USH1C: variants seen among roughly 807,000 people sequenced by gnomAD.
USH1C encodes the protein harmonin.
In USH1C, 90 loss-of-function variants were observed where a neutral mutation model predicts 119.3. The observed-to-expected ratio is 0.75, with a 90% CI of 0.64 to 0.90. The LOEUF is 0.90. Among genes scored for constraint, USH1C ranks in the 40% least tolerant of loss-of-function variants. USH1C has a pLI of 0.00. For missense variants in USH1C, 1,165 were observed against 1,167.7 expected, an observed-to-expected ratio of 1.00 and a Z score of 0.03; for synonymous variants, 465 against 443.3, an observed-to-expected ratio of 1.05 and a Z score of -0.62.
rs1478242489 is a variant in USH1C at position 17,531,515 on chromosome 11, T to G, written c.132A>C (p.Gly44=). The change falls in exon 3 of 27, where the codon GGA becomes GGC. Residue 44 remains glycine (G), a synonymous_variant. Coordinates refer to ENST00000005226, the MANE Select transcript of USH1C (RefSeq NM_153676.4). The surrounding 1 kb of genome is among the most constrained non-coding windows in gnomAD (Gnocchi z 4.2). ...HQTMDVAVLV[G]DLKLVINEPS... ...GTTCATTGATGACCAGCTTCAGGTCTCCCACGAGCACGGCCACGTCCATGG... is the reference window on the plus strand; with the variant it reads ...GTTCATTGATGACCAGCTTCAGGTCGCCCACGAGCACGGCCACGTCCATGG... The G allele has an allele frequency of 6.2e-7, 1 of 1,613,640 alleles. No individual in the cohort carries two copies. The highest frequency in any genetic ancestry group is 1.3e-5 in the African/African-American group (1 of 74,990).
chr11:17,501,390 G>A, intron 22 of USH1C, 92 bp downstream of exon 22: 1 of 1,445,120 alleles, frequency 6.9e-7, no homozygotes, highest in Non-Finnish European at 9.6e-7. Flanking sequence ...GACCACCCAG[G>A]AGTGACCTTG....
chr11:17,495,497 C>G (rs1849211901), intron 26 of USH1C, 72 bp downstream of exon 26: 1 of 1,479,816 alleles, frequency 6.8e-7, no homozygotes, highest in South Asian at 1.1e-5. Context: ...AACCTGCTGA[C>G]AGCGTGGGCA....
intron 14 of USH1C, among the ~76,000 whole-genome samples, chr11:17,519,310 A>G (rs932140066): frequency 1.3e-5 from 2 of 152,344 alleles, no homozygotes; most frequent in Non-Finnish European, 2.9e-5. Context: ...GTCCCAGCTC[A>G]GCGGGCAGGC....
At position 17,533,218 on chromosome 11, in the gene USH1C, C is replaced by A. The variant is rs781739743; in HGVS notation, c.104+37G>T. On this transcript the variant is annotated intron_variant, in intron 2 of 26. Coordinates refer to ENST00000005226, the MANE Select transcript of USH1C (RefSeq NM_153676.4). ...CAGGGCTCCCTGAAGACAAAGGAAC[C>A]CAAGTGGCCCACAAGAGCTGGACCC... 8.9e-6 allele frequency: 14 copies of A among 1,571,714 alleles called. No individual in the cohort carries two copies. In the South Asian group the frequency reaches 1.6e-4, roughly 17 times the overall value.
rs376193347 is a variant in USH1C at position 17,501,082 on chromosome 11, A to G, written c.2349T>C (p.Ala783=). ...GCTCAGCAGCTCCCCGCTCATACAC[A>G]GCAGAAACGACCACCTTCCCAATGG... ...DSPIGKVVVS[A]VYERGAAERH... is the part of the protein sequence containing the mutation. The change falls in exon 23 of 27, where the codon GCT becomes GCC. Residue 783 remains alanine, a synonymous_variant. Coordinates refer to ENST00000005226, the MANE Select transcript of USH1C (RefSeq NM_153676.4). 1.9e-6 allele frequency: 3 copies of G among 1,614,046 alleles called. No individual in the cohort carries two copies. Among genetic ancestry groups the G allele is most frequent in the Non-Finnish European group, 2.5e-6 (3 of 1,180,000 alleles).
chr11:17,499,214 C>A (rs1849349451), intron 23 of USH1C, among the ~76,000 whole-genome samples: 1 of 152,184 alleles, frequency 6.6e-6, no homozygotes, highest in African/African-American at 2.4e-5. Context: ...AGAACACTCT[C>A]CAGGTTACAT....
intron 1 of USH1C, among the ~76,000 whole-genome samples, chr11:17,542,272 C>G (rs1200214621): frequency 1.3e-5 from 2 of 152,230 alleles, no homozygotes; most frequent in African/African-American, 4.8e-5. Context: ...GAAGGGACCC[C>G]TACAAAGCAA....
intron 12 of USH1C, among the ~76,000 whole-genome samples, 179 bp downstream of exon 12, chr11:17,522,605 G>A (rs1167571918): frequency 1.3e-5 from 2 of 152,218 alleles, no homozygotes; most frequent in African/African-American, 4.8e-5. Context: ...GAAGGAGCCA[G>A]GTGGTCTGAG....
intron 1 of USH1C, among the ~76,000 whole-genome samples, chr11:17,537,486 T>C (rs1220287501): frequency 1.3e-5 from 2 of 152,218 alleles, no homozygotes; most frequent in Admixed American, 1.3e-4. Flanking sequence ...CTCTATTTGC[T>C]CTAGTCTAGA....
At chr11:17,526,719 A>G (rs1850693466) in intron 7 of USH1C, 34 bp downstream of exon 7, 3 of 1,609,106 alleles carry the variant, frequency 1.9e-6, no homozygotes, top group Non-Finnish European at 2.6e-6. Flanking sequence ...AGATGACCCC[A>G]CCCAAACCCC....
At chr11:17,526,315 A>G in intron 8 of USH1C, 32 bp downstream of exon 8, 3 of 1,592,206 alleles carry the variant, frequency 1.9e-6, no homozygotes, top group Non-Finnish European at 2.6e-6. Flanking sequence ...TGCACTGGCC[A>G]CGAATGACCC....
chr11:17,496,147 G>A (rs1019127040), intron 25 of USH1C, among the ~76,000 whole-genome samples: 1 of 150,804 alleles, frequency 6.6e-6, no homozygotes, highest in East Asian at 1.9e-4. Flanking sequence ...GGAAGGAGGG[G>A]GGCAGATAAG....
chr11:17,517,440 T>A (rs766318556), intron 14 of USH1C: 3 of 1,596,382 alleles, frequency 1.9e-6, no homozygotes, highest in Non-Finnish European at 1.7e-6. Flanking sequence ...CCAGGTCATC[T>A]GCGGGCTCGA....
At chr11:17,510,079 A>G (rs1849821994) in intron 17 of USH1C, among the ~76,000 whole-genome samples, 1 of 152,166 alleles carries the variant, frequency 6.6e-6, no homozygotes, top group African/African-American at 2.4e-5. Context: ...TGTGGGTGGT[A>G]AGGTGTTCAC....
At position 17,521,350 on chromosome 11, in the gene USH1C, C is replaced by T. The variant is rs752837878; in HGVS notation, c.1081G>A (p.Glu361Lys). The T allele has an allele frequency of 6.2e-7, 1 of 1,614,142 alleles. No homozygotes were observed. Among genetic ancestry groups the T allele is most frequent in the Non-Finnish European group, 8.5e-7 (1 of 1,180,010 alleles). ...EENERYRKEM[E>K]QIVEEEEKFK... ...GCGTGGAGCCGAGGTACTCACTGTTCCATCTCCTTCCGGTATCTCTCATTT... is the reference window on the plus strand; with the variant it reads ...GCGTGGAGCCGAGGTACTCACTGTTTCATCTCCTTCCGGTATCTCTCATTT... Residue 361 changes from glutamate to lysine, a missense_variant, in exon 13 of 27, where the codon GAA becomes AAA. By Grantham distance (56) the Glu-to-Lys change is moderately conservative. Transcript: ENST00000005226.
At position 17,495,617 on chromosome 11, in the gene USH1C, G is replaced by T. The variant is rs2133763357; in HGVS notation, c.2607C>A (p.Asp869Glu). Reference sequence around the variant, plus strand: ...ACCCGTGTCTGTGCACGGCAGCACGGTCTTCAAGGAGCTTTCGGACCGGTT... The same window carrying T: ...ACCCGTGTCTGTGCACGGCAGCACGTTCTTCAAGGAGCTTTCGGACCGGTT... ...SPQPVRKLLE[D>E]RAAVHRHGFL... Residue 869 changes from aspartate (D) to glutamate (E), a missense_variant, in exon 26 of 27, where the codon GAC becomes GAA. Transcript: ENST00000005226. 6.2e-7 allele frequency: 1 copy of T among 1,614,244 alleles called. No homozygotes were observed. Among genetic ancestry groups the T allele is most frequent in the East Asian group, 2.2e-5 (1 of 44,882 alleles).
chr11:17,499,799 G>T (rs1591959163), intron 23 of USH1C, among the ~76,000 whole-genome samples: 1 of 152,330 alleles, frequency 6.6e-6, no homozygotes, highest in East Asian at 1.9e-4. Flanking sequence ...AGGTCTGGTT[G>T]CCAGCCCCCA....
Position 17,509,494 on chromosome 11 carries a change from C to T in USH1C, c.1875G>A (p.Ala625=), listed in dbSNP as rs756008323. Residue 625 remains alanine (A), a synonymous_variant, in exon 18 of 27, where the codon GCG becomes GCA. Transcript: ENST00000005226. ...DLTPTRPLPS[A]LEEALSNHPF... The stretch of plus-strand genomic sequence containing the variant: ...GATGGTTGCTCAGTGCTTCTTCCAG[C>T]GCCGAGGGCAGTGGGCGGGTGGGAG... 37 of 1,594,370 alleles carry T rather than the reference C, an allele frequency of 2.3e-5. No individual in the cohort carries two copies. Among genetic ancestry groups the T allele is most frequent in the South Asian group, 7.8e-5 (7 of 90,248 alleles).
At chr11:17,530,113 G>A (rs890168355) in intron 4 of USH1C, among the ~76,000 whole-genome samples, 6 of 152,178 alleles carry the variant, frequency 3.9e-5, no homozygotes, top group Non-Finnish European at 5.9e-5. Flanking sequence ...CACCCCTTAC[G>A]CCACAGTGTC....
Sources: gnomAD v4.1 joint callset for allele counts (sites outside exome capture counted in the v4.1 genomes callset) on GRCh38, gnomAD v4.1.1 for gene constraint, Gnocchi (gnomAD v3.1) non-coding constraint, MANE v1.5 for transcripts, NCBI Gene and HGNC (gene_info 2026-07-23, HGNC 2026-07-21) for gene names.